The following PROX1 variants were observed in gnomAD, a reference collection of about 807,000 sequenced individuals.
PROX1 encodes the protein prospero homeobox protein 1.
A neutral mutation model predicts 58.8 loss-of-function variants in PROX1; 7 were observed. The ratio of observed to expected loss-of-function variants is 0.12; its 90% CI spans 0.07 to 0.22. The LOEUF is 0.22. Ranked by LOEUF, PROX1 falls within the 10% of genes least tolerant of loss-of-function variation. The pLI is 1.00. For synonymous variants in PROX1, 350 were observed against 358.3 expected (o/e 0.98, Z 0.26); for missense variants, 675 against 927.8 (o/e 0.73, Z 3.54).
chr1:214,019,033 A>G (rs1259868399), intron 4 of PROX1, among the ~76,000 whole-genome samples: 1 of 152,168 alleles, frequency 6.6e-6, no homozygotes, highest in Non-Finnish European at 1.5e-5. Flanking sequence ...AGCTCCTCAA[A>G]CAGACTTTCA....
At chr1:214,009,276 C>T (rs942526830) in intron 3 of PROX1, among the ~76,000 whole-genome samples, 5 of 152,182 alleles carry the variant, frequency 3.3e-5, no homozygotes, top group East Asian at 1.9e-4. Context: ...CACAGAGACT[C>T]GTACACTGTG....
chr1:214,026,605 A>T (rs1361934258), intron 4 of PROX1, among the ~76,000 whole-genome samples: 2 of 152,246 alleles, frequency 1.3e-5, no homozygotes, highest in Non-Finnish European at 2.9e-5. Flanking sequence ...TGATAATTAT[A>T]TAATATTTTA....
chr1:214,011,112 G>C (rs1260375890), intron 3 of PROX1, among the ~76,000 whole-genome samples: 3 of 152,156 alleles, frequency 2.0e-5, no homozygotes, highest in Non-Finnish European at 2.9e-5. Flanking sequence ...ACTAGTGGTA[G>C]AGTCATGTGG....
At chr1:214,035,496 T>C (rs911033649) in intron 4 of PROX1, 153 bp from the exon 5 acceptor site, 3 of 268,044 alleles carry the variant, frequency 1.1e-5, no homozygotes, top group Non-Finnish European at 1.7e-5. Flanking sequence ...ATAATGACTT[T>C]ACATTAAAAG....
intron 1 of PROX1, among the ~76,000 whole-genome samples, chr1:213,990,659 CGTGTGTGTGTGTGTGTGTGTGTGTGTGT>C (rs71165944): frequency 7.4e-6 from 1 of 136,020 alleles, no homozygotes; most frequent in Non-Finnish European, 1.6e-5. Context: ...AGAGAACTGT[CGTGTGTGTGTGTGTGTGTGTGTGTGTGT>C]GTGTGTGTGT....
chr1:214,018,109 T>C (rs1664157649), intron 4 of PROX1, among the ~76,000 whole-genome samples: 1 of 152,164 alleles, frequency 6.6e-6, no homozygotes, highest in Non-Finnish European at 1.5e-5. Flanking sequence ...ATGAAACAAA[T>C]TCATTTAGCA....
intron 4 of PROX1, among the ~76,000 whole-genome samples, chr1:214,024,751 G>A (rs1664396057): frequency 6.6e-6 from 1 of 152,186 alleles, no homozygotes; most frequent in Non-Finnish European, 1.5e-5. Flanking sequence ...GAACGAAACA[G>A]GAGTAACTGT....
chr1:213,990,659 CG>C (rs1426577243), intron 1 of PROX1, among the ~76,000 whole-genome samples: 1 of 135,918 alleles, frequency 7.4e-6, no homozygotes, highest in Non-Finnish European at 1.6e-5. Flanking sequence ...AGAGAACTGT[CG>C]TGTGTGTGTG....
chr1:214,010,941 A>C (rs571654661), intron 3 of PROX1, among the ~76,000 whole-genome samples: 1 of 152,304 alleles, frequency 6.6e-6, no homozygotes, highest in East Asian at 1.9e-4. Context: ...GTGGGCAAAC[A>C]TTAAGTGGAA....
chr1:213,997,087 A>G lies in PROX1; in HGVS notation c.552A>G (p.Leu184=), dbSNP rs1168554296. Residue 184 remains leucine (L), a synonymous_variant, in exon 2 of 5, where the codon TTA becomes TTG. Transcript: ENST00000366958. This position sits in a 1 kb window ranked among gnomAD's most constrained non-coding sequence, Gnocchi z 7.1. ...TGAGCCATTCCCCCAGTGTGGCATTAAGGGGCAATGAAAATGAAAGAGAGA... is the reference window on the plus strand; with the variant it reads ...TGAGCCATTCCCCCAGTGTGGCATTGAGGGGCAATGAAAATGAAAGAGAGA... ...RGMSHSPSVA[L]RGNENEREMA... 6.2e-7 allele frequency: 1 copy of G among 1,614,008 alleles called. No homozygotes were observed. Among genetic ancestry groups the G allele is most frequent in the East Asian group, 2.2e-5 (1 of 44,866 alleles).
chr1:213,997,460 G>A lies in PROX1; in HGVS notation c.925G>A (p.Asp309Asn). 3.7e-6 allele frequency: 6 copies of A among 1,614,128 alleles called. No homozygotes were observed. Among genetic ancestry groups the A allele is most frequent in the Non-Finnish European group, 5.1e-6 (6 of 1,180,030 alleles). Residue 309 changes from aspartate (D) to asparagine (N), a missense_variant, in exon 2 of 5, where the codon GAC (aspartate) becomes AAC (asparagine). By Grantham distance (23) the Asp-to-Asn change is conservative. Around this residue, in one of 8 missense-constraint regions of PROX1, gnomAD observed 403 missense variants for 477.4 expected, o/e 0.84. Coordinates refer to ENST00000366958, the MANE Select transcript of PROX1 (RefSeq NM_001270616.2). The surrounding 1 kb of genome is among the most constrained non-coding windows in gnomAD (Gnocchi z 7.1). ...MCELDPGQFI[D>N]RARALIREQE... ...CGAGCTAGACCCAGGACAGTTTATT[G>A]ACCGAGCTCGAGCCCTGATCAGAGA...
intron 4 of PROX1, among the ~76,000 whole-genome samples, chr1:214,019,601 C>G (rs1214468826): frequency 1.3e-5 from 2 of 152,162 alleles, no homozygotes; most frequent in African/African-American, 4.8e-5. Flanking sequence ...CAGCAGCCGT[C>G]GTGGGCCATG....
In PROX1 at chr1:214,036,564, C is replaced by A. The variant is rs1388895525; in HGVS notation, c.*730C>A. ...TAGAAATTCATACCTGGTCTTGTAG[C>A]CACCTCTCTAAACTTGAAAATAGGT... On this transcript the variant is annotated 3_prime_UTR_variant, in exon 5 of 5. Coordinates refer to ENST00000366958, the MANE Select transcript of PROX1 (RefSeq NM_001270616.2). 1 of 152,174 alleles carries A rather than the reference C, an allele frequency of 6.6e-6. No homozygotes were observed. Among genetic ancestry groups the A allele is most frequent in the East Asian group, 1.9e-4 (1 of 5,184 alleles). The allele number at this position is 152,174 out of a possible 1,614,324, so 9.4% of individuals were successfully genotyped here. A position where few individuals can be genotyped will look rare whatever the true frequency, so the allele number is the denominator to read the frequency against.
At chr1:214,013,759 C>T (rs755759563) in intron 4 of PROX1, among the ~76,000 whole-genome samples, 4 of 152,192 alleles carry the variant, frequency 2.6e-5, no homozygotes, top group African/African-American at 4.8e-5. Context: ...ATCATATCCA[C>T]TTCCAGCCAG....
rs1239282377 is a variant in PROX1 at position 214,002,414 on chromosome 1, T to TTTTC, written c.1726-2748_1726-2747insCTTT. On this transcript the variant is annotated intron_variant, in intron 2 of 4. Transcript: ENST00000366958. Reference sequence around the variant, plus strand: ...CTTTTCTTTTTTTTTTCTTTTTTCTTTTTTTTTTTTTTTTACACCTGGCAG... The same window carrying TTTTC: ...CTTTTCTTTTTTTTTTCTTTTTTCTTTTTCTTTTTTTTTTTTTTACACCTGGCAG... Among the ~76,000 whole-genome samples the TTTTC allele has an allele frequency of 2.1e-5, 3 of 140,736 alleles. No individual in the cohort carries two copies. In the East Asian group the frequency reaches 6.0e-4, roughly 28 times the overall value. The allele number at this position is 140,736 out of a possible 152,430, so 92.3% of individuals were successfully genotyped here. A position where few individuals can be genotyped will look rare whatever the true frequency, so the allele number is the denominator to read the frequency against.
intron 2 of PROX1, among the ~76,000 whole-genome samples, chr1:214,002,419 T>G (rs1279390014): frequency 2.7e-5 from 4 of 149,952 alleles, no homozygotes; most frequent in Non-Finnish European, 5.9e-5. Flanking sequence ...TTTCTTTTTT[T>G]TTTTTTTTTA....
chr1:214,038,907 C>T lies in PROX1; in HGVS notation c.*3073C>T, dbSNP rs2102795779. 6.6e-6 allele frequency: 1 copy of T among 152,174 alleles called. No homozygotes were observed. The highest frequency in any genetic ancestry group is 1.9e-4 in the East Asian group (1 of 5,182). The allele number at this position is 152,174 out of a possible 1,614,324, so 9.4% of individuals were successfully genotyped here. On this transcript the variant is annotated 3_prime_UTR_variant, in exon 5 of 5. Transcript: ENST00000366958. ...AGTTTGATACCGCAAATTATTTTTTCCTCAATTGTTTGAGCAGCATTCGAG... is the reference window on the plus strand; with the variant it reads ...AGTTTGATACCGCAAATTATTTTTTTCTCAATTGTTTGAGCAGCATTCGAG...
chr1:214,033,506 G>C (rs1405644005), intron 4 of PROX1, among the ~76,000 whole-genome samples: 1 of 152,206 alleles, frequency 6.6e-6, no homozygotes, highest in Non-Finnish European at 1.5e-5. Flanking sequence ...GCTAAGGCAG[G>C]AGAGTCTCAT....
chr1:213,984,971 C>T (rs1391982547), upstream of PROX1: 1 of 152,178 alleles, frequency 6.6e-6, no homozygotes, highest in Non-Finnish European at 1.5e-5. Flanking sequence ...GAGCATACAC[C>T]GAGCAAATGT....
Sources: allele counts gnomAD v4.1 joint callset (sites outside exome capture counted in the v4.1 genomes callset), GRCh38; gene constraint gnomAD v4.1.1; regional missense constraint gnomAD v4.1.1; non-coding constraint Gnocchi (gnomAD v3.1); transcripts MANE v1.5; gene names NCBI Gene and HGNC (gene_info 2026-07-23, HGNC 2026-07-21).